The following CCDC34 variants were observed in gnomAD, a reference collection of about 807,000 sequenced individuals.
The protein encoded by CCDC34 is coiled-coil domain containing 34, also known as coiled-coil domain-containing protein 34.
In CCDC34, 40 loss-of-function variants were observed where a neutral mutation model predicts 44.1. The observed-to-expected ratio is 0.91, with a 90% confidence interval of 0.70 to 1.18. CCDC34 has a LOEUF of 1.18. Among genes scored for constraint, CCDC34 ranks in the 50% most tolerant of loss-of-function variants. The pLI is 0.00. For synonymous variants in CCDC34, 159 were observed against 158.2 expected (o/e 1.01, Z -0.04); for missense variants, 466 against 452.3 (o/e 1.03, Z -0.28).
At chr11:27,343,654 A>G (rs1370682559) in intron 3 of CCDC34, among the ~76,000 whole-genome samples, 2 of 152,224 alleles carry the variant, frequency 1.3e-5, no homozygotes, top group African/African-American at 4.8e-5. Context: ...TTTACCTATA[A>G]GAAATCAACC....
At chr11:27,342,693 CA>C (rs1263448393) in intron 3 of CCDC34, among the ~76,000 whole-genome samples, 1 of 152,160 alleles carries the variant, frequency 6.6e-6, no homozygotes, top group African/African-American at 2.4e-5. Context: ...ACTACGACAG[CA>C]AAGCTGAATG....
At chr11:27,357,049 C>T (rs931291104) in intron 2 of CCDC34, among the ~76,000 whole-genome samples, 4 of 152,024 alleles carry the variant, frequency 2.6e-5, no homozygotes, top group African/African-American at 9.7e-5. Flanking sequence ...TATGTTGATG[C>T]TCCAGTGTAT....
At chr11:27,350,166 A>T in intron 3 of CCDC34, 166 bp downstream of exon 3, 2 of 1,521,614 alleles carry the variant, frequency 1.3e-6, no homozygotes, top group Admixed American at 4.5e-5. Flanking sequence ...GGCAAAGGGC[A>T]GAAGATAGAG....
At chr11:27,347,966 T>G (rs1862456306) in intron 3 of CCDC34, among the ~76,000 whole-genome samples, 1 of 151,958 alleles carries the variant, frequency 6.6e-6, no homozygotes, top group Non-Finnish European at 1.5e-5. Context: ...CAGAATGCCT[T>G]TAGTTAGCAA....
chr11:27,360,614 ACCC>A (rs1310890247), intron 1 of CCDC34, among the ~76,000 whole-genome samples: 1 of 152,092 alleles, frequency 6.6e-6, no homozygotes, highest in Non-Finnish European at 1.5e-5. Flanking sequence ...TCATCCTGTC[ACCC>A]CCAAGCTGTC....
intron 3 of CCDC34, among the ~76,000 whole-genome samples, chr11:27,343,523 T>C (rs1464948310): frequency 6.6e-6 from 1 of 152,116 alleles, no homozygotes; most frequent in African/African-American, 2.4e-5. Flanking sequence ...GAGAACTCAA[T>C]AGCCATTGGA....
intron 2 of CCDC34, among the ~76,000 whole-genome samples, chr11:27,356,008 A>ATTTTTTT (rs34146389): frequency 0.03 from 2,105 of 69,492 alleles, 226 homozygotes; most frequent in Non-Finnish European, 0.041. Flanking sequence ...TGTTCCCAGG[A>ATTTTTTT]TTTTTTTTTT....
At chr11:27,348,630 T>C (rs563460902) in intron 3 of CCDC34, among the ~76,000 whole-genome samples, 3 of 152,112 alleles carry the variant, frequency 2.0e-5, no homozygotes, top group African/African-American at 7.2e-5. Context: ...CAGCCACAGA[T>C]ACAGCTAAAA....
intron 3 of CCDC34, among the ~76,000 whole-genome samples, chr11:27,343,533 A>T (rs1472941053): frequency 6.6e-6 from 1 of 152,208 alleles, no homozygotes; most frequent in Admixed American, 6.5e-5. Context: ...TAGCCATTGG[A>T]ACAATACTGG....
intron 3 of CCDC34, among the ~76,000 whole-genome samples, chr11:27,347,532 G>T (rs1311742459): frequency 1.3e-5 from 2 of 152,154 alleles, no homozygotes; most frequent in Admixed American, 1.3e-4. Context: ...CATATTCTAT[G>T]AAATGTATTT....
rs1031507454 is a variant in CCDC34, at chr11:27,342,181, T to C, written c.607-631A>G. On this transcript the variant is annotated intron_variant, in intron 3 of 5. Transcript: ENST00000328697. Reference sequence around the variant, plus strand: ...AGCATGAAAACAGACTAATACAGTGTTCAATCAAAATTTGTTGAATAAATG... The same window carrying C: ...AGCATGAAAACAGACTAATACAGTGCTCAATCAAAATTTGTTGAATAAATG... 3.9e-5 allele frequency among the ~76,000 whole-genome samples: 6 copies of C among 151,906 alleles called. No individual in the cohort carries two copies. The East Asian group carries it at 1.2e-3, about 29-fold the overall frequency.
In CCDC34 at chr11:27,344,428, ATG is replaced by A. The variant is rs369107236; in HGVS notation, c.607-2880_607-2879del. 7.9e-4 allele frequency among the ~76,000 whole-genome samples: 120 copies of A among 152,178 alleles called. 1 individual carries two copies. Among genetic ancestry groups the A allele is most frequent in the African/African-American group, 2.2e-3 (92 of 41,564 alleles). ...AACATGTATGCTATATATTATAAAC[ATG>A]TGTGTTACATATATGCTATAACATG... On this transcript the variant is annotated intron_variant, in intron 3 of 5. Coordinates refer to ENST00000328697, the MANE Select transcript of CCDC34 (RefSeq NM_030771.2).
chr11:27,345,863 T>C (rs373340833), intron 3 of CCDC34, among the ~76,000 whole-genome samples: 70 of 152,342 alleles, frequency 4.6e-4, no homozygotes, highest in African/African-American at 1.7e-3. Flanking sequence ...ATTGCCACAC[T>C]GACTTCCACA....
chr11:27,363,179 G>A lies in CCDC34; in HGVS notation c.16C>T (p.Arg6Cys), dbSNP rs200819278. MWAAG[R>C]WGPTFPSSYA... The stretch of plus-strand genomic sequence containing the variant: ...GAAGAGGGAAAAGTAGGCCCCCAGC[G>A]CCCCGCCGCCCACATCTGGCCCGCC... Residue 6 changes from arginine (R) to cysteine (C), a missense_variant, in exon 1 of 6, where the codon CGC (arginine) becomes TGC (cysteine). Coordinates refer to ENST00000328697, the MANE Select transcript of CCDC34 (RefSeq NM_030771.2). 53 of 1,485,008 alleles carry A rather than the reference G, an allele frequency of 3.6e-5. No individual in the cohort carries two copies. In the African/African-American group the frequency reaches 5.6e-4, roughly 16 times the overall value. The allele number at this position is 1,485,008 out of a possible 1,614,324, so 92.0% of individuals were successfully genotyped here. A position where few individuals can be genotyped will look rare whatever the true frequency, so the allele number is the denominator to read the frequency against.
At chr11:27,348,653 T>C (rs968078153) in intron 3 of CCDC34, among the ~76,000 whole-genome samples, 7 of 152,090 alleles carry the variant, frequency 4.6e-5, no homozygotes, top group African/African-American at 1.2e-4. Flanking sequence ...TGAATGAAGC[T>C]GGAGGCAGCT....
chr11:27,360,012 T>A (rs534820368), intron 1 of CCDC34, among the ~76,000 whole-genome samples: 1 of 152,154 alleles, frequency 6.6e-6, no homozygotes, highest in Non-Finnish European at 1.5e-5. Flanking sequence ...TAGGAAACAG[T>A]TGTTGAAAGA....
chr11:27,352,051 G>A (rs1178806220), intron 2 of CCDC34, among the ~76,000 whole-genome samples: 1 of 152,192 alleles, frequency 6.6e-6, no homozygotes, highest in Non-Finnish European at 1.5e-5. Flanking sequence ...GACTGACGAA[G>A]AGTGTGCCAT....
intron 5 of CCDC34, among the ~76,000 whole-genome samples, chr11:27,339,807 T>A (rs1180762961): frequency 6.6e-6 from 1 of 152,224 alleles, no homozygotes; most frequent in Non-Finnish European, 1.5e-5. Flanking sequence ...AAAAAATTAA[T>A]AAAACAATCC....
At chr11:27,349,076 C>T in intron 3 of CCDC34, 1 of 985,046 alleles carries the variant, frequency 1.0e-6, no homozygotes, top group Non-Finnish European at 1.2e-6. Context: ...CCTAGACAAA[C>T]AACAACTAGG....
Sources: allele counts gnomAD v4.1 joint callset (sites outside exome capture counted in the v4.1 genomes callset), GRCh38; gene constraint gnomAD v4.1.1; transcripts MANE v1.5; gene names NCBI Gene and HGNC (gene_info 2026-07-23, HGNC 2026-07-21).